The following IBTK variants were observed in gnomAD, a reference collection of about 807,000 sequenced individuals.
IBTK encodes the protein inhibitor of Bruton tyrosine kinase.
A neutral mutation model predicts 154.9 loss-of-function variants in IBTK; 83 were observed. That is an observed-to-expected ratio of 0.54 (90% CI 0.45 to 0.64). The LOEUF is 0.64. Among genes scored for constraint, IBTK ranks in the 30% least tolerant of loss-of-function variants. The pLI is 0.00. For missense variants in IBTK, 1,332 were observed against 1,584.6 expected, an observed-to-expected ratio of 0.84 and a Z score of 2.71; for synonymous variants, 515 against 536.1, an observed-to-expected ratio of 0.96 and a Z score of 0.54.
intron 24 of IBTK, 180 bp from the exon 25 acceptor site, chr6:82,191,396 CAA>C: frequency 1.7e-6 from 1 of 595,626 alleles, no homozygotes; most frequent in African/African-American, 1.9e-5. Context: ...AAAATGCTCA[CAA>C]GTTTCAACAA....
intron 27 of IBTK, chr6:82,172,750 G>A (rs945987264): frequency 6.8e-5 from 28 of 413,928 alleles, no homozygotes; most frequent in Middle Eastern, 6.6e-4. Flanking sequence ...AGTGACCTAC[G>A]ATGAGCGAAC....
At chr6:82,203,559 G>A (rs1327205777) in intron 17 of IBTK, among the ~76,000 whole-genome samples, 1 of 152,034 alleles carries the variant, frequency 6.6e-6, no homozygotes, top group Non-Finnish European at 1.5e-5. Flanking sequence ...GATAAAATTA[G>A]ATCATATAAA....
At chr6:82,226,348 AT>A (rs1422561764) in intron 5 of IBTK, among the ~76,000 whole-genome samples, 2 of 152,184 alleles carry the variant, frequency 1.3e-5, no homozygotes. Flanking sequence ...TAAAAGCACC[AT>A]TTAATAGATA....
chr6:82,180,511 C>T (rs1055866625), intron 26 of IBTK, among the ~76,000 whole-genome samples: 2 of 152,126 alleles, frequency 1.3e-5, no homozygotes, highest in African/African-American at 2.4e-5. Flanking sequence ...CTCGGCCTCC[C>T]AAAGTGCTAG....
chr6:82,226,554 C>T (rs1770305177), intron 5 of IBTK, among the ~76,000 whole-genome samples: 1 of 151,798 alleles, frequency 6.6e-6, no homozygotes, highest in South Asian at 2.1e-4. Context: ...AAAACAAAAA[C>T]CAGAACTACT....
intron 26 of IBTK, 121 bp downstream of exon 26, chr6:82,181,758 G>C (rs184356704): frequency 1.6e-6 from 1 of 634,156 alleles, no homozygotes. Context: ...TTTTAATTCT[G>C]AATGTAAAAG....
intron 24 of IBTK, chr6:82,191,540 T>C: frequency 1.7e-6 from 1 of 585,254 alleles, no homozygotes; most frequent in Non-Finnish European, 3.0e-6. Context: ...TAGTCCACAA[T>C]GATCATTTTA....
chr6:82,223,491 CT>C lies in IBTK; in HGVS notation c.1072del (p.Arg358GlyfsTer20). The C allele has an allele frequency of 6.2e-7, 1 of 1,614,126 alleles. No homozygotes were observed. Among genetic ancestry groups the C allele is most frequent in the South Asian group, 1.1e-5 (1 of 91,054 alleles). Reference protein sequence around the residue: ...SDGATVCVTTRGDIYLLADYQ... With the variant: ...SDGATVCVTTXGDIYLLADYQ... ...GTCTGCAAGTAAGTAAATATCTCCC[CT>C]TGTGGTAACACAGACTGTAGCTCCA... is the stretch of plus-strand genomic sequence containing the variant. On this transcript the variant is annotated frameshift_variant, in exon 8 of 29. Coordinates refer to ENST00000306270, the MANE Select transcript of IBTK (RefSeq NM_015525.4). LOFTEE classifies it high-confidence loss of function.
At chr6:82,246,962 G>C (rs114271182) in intron 1 of IBTK, among the ~76,000 whole-genome samples, 1 of 152,114 alleles carries the variant, frequency 6.6e-6, no homozygotes, top group South Asian at 2.1e-4. Context: ...AGTCAAGGAC[G>C]GCCTATGTTA....
intron 13 of IBTK, 28 bp from the exon 14 acceptor site, chr6:82,211,600 G>A: frequency 6.4e-7 from 1 of 1,553,430 alleles, no homozygotes; most frequent in South Asian, 1.1e-5. Context: ...ATTGAAGCAA[G>A]AGCAATTTCT....
rs1265960913 is a variant in IBTK at position 82,202,597 on chromosome 6, C to T, written c.2660G>A (p.Ser887Asn). 1 of 1,609,350 alleles carries T rather than the reference C, an allele frequency of 6.2e-7. No individual in the cohort carries two copies. The highest frequency in any genetic ancestry group is 1.7e-5 in the Admixed American group (1 of 59,042). Reference sequence around the variant, plus strand: ...ACAAGACAGTTTCAACTGTTTTGCACTATACATTGCTGCAAATTCCAGTAG... The same window carrying T: ...ACAAGACAGTTTCAACTGTTTTGCATTATACATTGCTGCAAATTCCAGTAG... The part of the protein sequence containing the change: ...AMLLEFAAMY[S>N]AKQLKLSCLQ... Residue 887 changes from serine to asparagine, a missense_variant, in exon 18 of 29, where the codon AGT becomes AAT. Coordinates refer to ENST00000306270, the MANE Select transcript of IBTK (RefSeq NM_015525.4).
In IBTK at chr6:82,181,968, T is replaced by C; in HGVS notation, c.3636A>G (p.Lys1212=). Residue 1212 remains lysine (K), a synonymous_variant, in exon 26 of 29, where the codon AAA becomes AAG. Transcript: ENST00000306270. Reference sequence around the variant, plus strand: ...CTGAACTATGGCTAGTAACAGACTTTTTTTCTTCTAGTAAGAAATCCCGGA... The same window carrying C: ...CTGAACTATGGCTAGTAACAGACTTCTTTTCTTCTAGTAAGAAATCCCGGA... ...KSFRDFLLEE[K]KSVTSHSSGD... is the part of the protein sequence containing the mutation. 1 of 1,606,422 alleles carries C rather than the reference T, an allele frequency of 6.2e-7. No homozygotes were observed. The highest frequency in any genetic ancestry group is 2.2e-5 in the East Asian group (1 of 44,602).
In IBTK at chr6:82,216,156, G is replaced by C; in HGVS notation, c.1521C>G (p.Thr507=). The C allele has an allele frequency of 6.2e-7, 1 of 1,613,424 alleles. No individual in the cohort carries two copies. The highest frequency in any genetic ancestry group is 1.3e-5 in the African/African-American group (1 of 75,002). The change falls in exon 11 of 29, where the codon ACC becomes ACG. Residue 507 remains threonine (T), a synonymous_variant. Transcript: ENST00000306270. ...TGACACTAACAGCTCTATGTGCAAAGGTAAGTTTCTCAAGTCGAATTCTTT... is the reference window on the plus strand; with the variant it reads ...TGACACTAACAGCTCTATGTGCAAACGTAAGTTTCTCAAGTCGAATTCTTT... ...VYERIRLEKL[T]FAHRAVSVST...
intron 15 of IBTK, 128 bp downstream of exon 15, chr6:82,211,239 A>G: frequency 3.1e-6 from 2 of 648,970 alleles, no homozygotes; most frequent in Non-Finnish European, 5.1e-6. Context: ...CTCAAGCATA[A>G]AGTTTAATAT....
chr6:82,182,093 T>A (rs1768344875), intron 25 of IBTK, 65 bp from the exon 26 acceptor site: 3 of 1,496,472 alleles, frequency 2.0e-6, no homozygotes, highest in Non-Finnish European at 2.7e-6. Context: ...CTGGAAGTTA[T>A]AAGAGAACAA....
Position 82,194,479 on chromosome 6 carries a change from C to A in IBTK, c.3338G>T (p.Ser1113Ile), listed in dbSNP as rs1366076657. 1 of 1,556,312 alleles carries A rather than the reference C, an allele frequency of 6.4e-7. No individual in the cohort carries two copies. The highest frequency in any genetic ancestry group is 8.7e-7 in the Non-Finnish European group (1 of 1,154,576). ...SSASWVAGSF[S>I]PVSPPVVDLR... ...TTATAGAATAAAATAAAAATCCTAC[C>A]TGAAAGAACCAGCAACCCAACTGGC... is the stretch of plus-strand genomic sequence containing the variant. Residue 1113 changes from serine (S) to isoleucine (I), a missense_variant and splice_region_variant, in exon 23 of 29, where the codon AGT becomes ATT. Ser to Ile is a moderately radical substitution (Grantham distance 142, BLOSUM62 -2). Transcript: ENST00000306270.
chr6:82,199,346 C>T (rs552205301), intron 21 of IBTK, among the ~76,000 whole-genome samples: 4 of 152,156 alleles, frequency 2.6e-5, no homozygotes, highest in South Asian at 4.1e-4. Context: ...AACAATAAAT[C>T]TGAATAAAAT....
chr6:82,178,281 G>A (rs1328461572), intron 26 of IBTK, among the ~76,000 whole-genome samples: 1 of 152,148 alleles, frequency 6.6e-6, no homozygotes, highest in Non-Finnish European at 1.5e-5. Flanking sequence ...GAGCCCTGAT[G>A]TTATAGCACA....
chr6:82,171,469 G>C lies in IBTK; in HGVS notation c.4018C>G (p.Gln1340Glu), dbSNP rs772091877. 7.4e-6 allele frequency: 12 copies of C among 1,613,248 alleles called. No homozygotes were observed. The South Asian group carries it at 1.2e-4, about 16-fold the overall frequency. Residue 1340 changes from glutamine (Q) to glutamate (E), a missense_variant, in exon 29 of 29, where the codon CAG becomes GAG. By Grantham distance (29) the Gln-to-Glu change is conservative. Around this residue, in one of 3 missense-constraint regions of IBTK, gnomAD observed 1,134 missense variants for 1,274.7 expected, o/e 0.89. Transcript: ENST00000306270. ...EEFVIVERTP[Q>E]GPLAVPMWNK... Reference sequence around the variant, plus strand: ...CACATAGGTACTGCCAGTGGTCCCTGCGGTGTCCTTTCAACAATGACAAAC... The same window carrying C: ...CACATAGGTACTGCCAGTGGTCCCTCCGGTGTCCTTTCAACAATGACAAAC...
Sources: allele counts gnomAD v4.1 joint callset (sites outside exome capture counted in the v4.1 genomes callset), GRCh38; gene constraint gnomAD v4.1.1; regional missense constraint gnomAD v4.1.1; transcripts MANE v1.5; gene names NCBI Gene and HGNC (gene_info 2026-07-23, HGNC 2026-07-21).